Variants in L1TD1 observed in about 807,000 individuals in gnomAD.
L1TD1 encodes LINE1 type transposase domain containing 1.
A neutral mutation model predicts 25.7 loss-of-function variants in L1TD1; 26 were observed. The ratio of observed to expected loss-of-function variants is 1.01; its 90% CI spans 0.74 to 1.40. The LOEUF (loss-of-function observed/expected upper bound fraction) is 1.40, where lower values mean the gene tolerates loss of function less well. L1TD1 is among the 40% of genes most tolerant of loss of function. L1TD1 has a pLI of 0.00. For synonymous variants in L1TD1, 421 were observed against 335.6 expected (o/e 1.25, Z -2.78); for missense variants, 1,130 against 975.0 (o/e 1.16, Z -2.12).
chr1:62,201,343 T>C (rs1395606837), intron 2 of L1TD1, among the ~76,000 whole-genome samples: 3 of 152,120 alleles, frequency 2.0e-5, no homozygotes, highest in Non-Finnish European at 1.5e-5. Flanking sequence ...TTCTGTGTCA[T>C]CTTGGCAAGT....
intron 2 of L1TD1, among the ~76,000 whole-genome samples, chr1:62,204,966 A>G (rs960498090): frequency 6.6e-6 from 1 of 152,018 alleles, no homozygotes; most frequent in Non-Finnish European, 1.5e-5. Context: ...CAGTTTCACC[A>G]TGTTACCCAG....
Position 62,205,443 on chromosome 1 carries a change from A to ATT in L1TD1, c.-110-1068_-110-1067dup, listed in dbSNP as rs1261055805. 5.4e-3 allele frequency among the ~76,000 whole-genome samples: 346 copies of ATT among 63,656 alleles called. 39 individuals carry two copies. The highest frequency in any genetic ancestry group is 0.032 in the Middle Eastern group (3 of 94). 41.8% of individuals were successfully genotyped at this position (63,656 alleles called of 152,430 possible). ...TATATATATATATATATATATATAT[A>ATT]TTTTTTTTTAGACAGTCTTGCTGTG... On this transcript the variant is annotated intron_variant, in intron 2 of 3. Coordinates refer to ENST00000498273, the MANE Select transcript of L1TD1 (RefSeq NM_019079.5).
chr1:62,210,808 G>T lies in L1TD1; in HGVS notation c.2034G>T (p.Met678Ile), dbSNP rs1386881097. 4.5e-6 allele frequency: 7 copies of T among 1,549,820 alleles called. No individual in the cohort carries two copies. The highest frequency in any genetic ancestry group is 2.4e-5 in the South Asian group (2 of 83,494). Residue 678 changes from methionine (M) to isoleucine (I), a missense_variant, in exon 4 of 4, where the codon ATG (methionine) becomes ATT (isoleucine). Coordinates refer to ENST00000498273, the MANE Select transcript of L1TD1 (RefSeq NM_019079.5). ...TTGAAGAATTCTCTAAGGATACAAT[G>T]CAAATGACCAAACAGATAATTAGTA... is the stretch of plus-strand genomic sequence containing the variant. Reference protein sequence around the residue: ...DQIEEFSKDTMQMTKQIISKE... With the variant: ...DQIEEFSKDTIQMTKQIISKE...
Position 62,206,783 on chromosome 1 carries a change from T to C in L1TD1, c.155T>C (p.Met52Thr), listed in dbSNP as rs1053219722. Residue 52 changes from methionine to threonine, a missense_variant, in exon 3 of 4, where the codon ATG (methionine) becomes ACG (threonine). Transcript: ENST00000498273. ...AAATGCAAGGACGTATCAGCAATTA[T>C]GAATAAGTTTAAGGTCTTAATGGAA... is the stretch of plus-strand genomic sequence containing the variant. ...DLKCKDVSAI[M>T]NKFKVLMEIQ... is the part of the protein sequence containing the mutation. 1.3e-6 allele frequency: 2 copies of C among 1,569,806 alleles called. No individual in the cohort carries two copies. Among genetic ancestry groups the C allele is most frequent in the Non-Finnish European group, 8.7e-7 (1 of 1,155,352 alleles).
At chr1:62,197,074 C>T (rs148994979) in intron 2 of L1TD1, among the ~76,000 whole-genome samples, 19 of 152,090 alleles carry the variant, frequency 1.2e-4, no homozygotes, top group African/African-American at 2.7e-4. Context: ...GCAGGTTTTG[C>T]ATTCTCACTA....
rs534598539 is a variant in L1TD1, at chr1:62,207,142, G to A, written c.514G>A (p.Gly172Arg). ...QGESRSYEVM[G>R]SMEETLCNID... ...TGAATCACGAAGTTACGAAGTCATG[G>A]GAAGTATGGAAGAAACCTTATGCAA... The change falls in exon 3 of 4, where the codon GGA (glycine) becomes AGA (arginine). Residue 172 changes from glycine to arginine, a missense_variant. Gly to Arg is a moderately radical substitution (Grantham distance 125). Transcript: ENST00000498273. 1.5e-4 allele frequency: 241 copies of A among 1,571,104 alleles called. No homozygotes were observed. The highest frequency in any genetic ancestry group is 1.9e-4 in the Non-Finnish European group (225 of 1,156,510).
intron 2 of L1TD1, among the ~76,000 whole-genome samples, chr1:62,199,513 AT>A (rs1308248383): frequency 6.6e-6 from 1 of 151,296 alleles, no homozygotes; most frequent in Non-Finnish European, 1.5e-5. Context: ...AAAAAAAAAA[AT>A]CAGCATTTGA....
In L1TD1 at chr1:62,207,302, A is replaced by G; in HGVS notation, c.674A>G (p.Glu225Gly). 3 of 1,550,628 alleles carry G rather than the reference A, an allele frequency of 1.9e-6. No individual in the cohort carries two copies. Among genetic ancestry groups the G allele is most frequent in the Non-Finnish European group, 1.7e-6 (2 of 1,146,730 alleles). ...TTTCAGAAATTGAAGAATAAAGAGG[A>G]GGTTTTAAAAGCCTCCAGAGAAGAA... ...RKFQKLKNKE[E>G]VLKASREEKV... Residue 225 changes from glutamate (E) to glycine (G), a missense_variant, in exon 3 of 4, where the codon GAG (glutamate) becomes GGG (glycine). Glu to Gly is a moderately conservative substitution (Grantham distance 98). Coordinates refer to ENST00000498273, the MANE Select transcript of L1TD1 (RefSeq NM_019079.5).
Position 62,210,732 on chromosome 1 carries a change from G to C in L1TD1, c.1958G>C (p.Ser653Thr). ...LEIENSVDDL[S>T]SRMDILEERI... is the part of the protein sequence containing the mutation. ...ATTGAAAATTCAGTAGATGATCTGAGTAGCAGAATGGACATACTTGAAGAA... is the reference window on the plus strand; with the variant it reads ...ATTGAAAATTCAGTAGATGATCTGACTAGCAGAATGGACATACTTGAAGAA... The change falls in exon 4 of 4, where the codon AGT becomes ACT. Residue 653 changes from serine to threonine, a missense_variant. By Grantham distance (58) the Ser-to-Thr change is moderately conservative. Coordinates refer to ENST00000498273, the MANE Select transcript of L1TD1 (RefSeq NM_019079.5). The C allele has an allele frequency of 1.3e-6, 2 of 1,551,652 alleles. No individual in the cohort carries two copies. Among genetic ancestry groups the C allele is most frequent in the Non-Finnish European group, 1.7e-6 (2 of 1,146,988 alleles).
chr1:62,202,791 C>T (rs1031493758), intron 2 of L1TD1, among the ~76,000 whole-genome samples: 2 of 149,246 alleles, frequency 1.3e-5, no homozygotes, highest in African/African-American at 4.9e-5. Flanking sequence ...TCAACTGATT[C>T]TCCTGCCTCA....
chr1:62,210,451 A>T lies in L1TD1; in HGVS notation c.1677A>T (p.Ser559=), dbSNP rs764578131. 6.2e-7 allele frequency: 1 copy of T among 1,614,188 alleles called. No homozygotes were observed. Among genetic ancestry groups the T allele is most frequent in the Non-Finnish European group, 8.5e-7 (1 of 1,180,034 alleles). The change falls in exon 4 of 4, where the codon TCA becomes TCT. Residue 559 remains serine, a synonymous_variant. Coordinates refer to ENST00000498273, the MANE Select transcript of L1TD1 (RefSeq NM_019079.5). ...TGACCTTATGTTTGGCCTCTCCCTCAAAGTCACTAGAGATGAGTCATGATG... is the reference window on the plus strand; with the variant it reads ...TGACCTTATGTTTGGCCTCTCCCTCTAAGTCACTAGAGATGAGTCATGATG... ...PCLTLCLASP[S]KSLEMSHDEH... is the part of the protein sequence containing the mutation.
At chr1:62,202,561 T>TA (rs1491558450) in intron 2 of L1TD1, among the ~76,000 whole-genome samples, 5 of 145,154 alleles carry the variant, frequency 3.4e-5, no homozygotes, top group Admixed American at 6.8e-5. Flanking sequence ...TTTTTTTTTT[T>TA]AGCTGTTCAT....
chr1:62,197,718 A>T (rs889138372), intron 2 of L1TD1, among the ~76,000 whole-genome samples: 1 of 151,558 alleles, frequency 6.6e-6, no homozygotes. Flanking sequence ...ATCCCTAAAA[A>T]TACAAAAATT....
rs142322163 is a variant in L1TD1, at chr1:62,211,676, T to G, written c.*304T>G. 31 of 227,598 alleles carry G rather than the reference T, an allele frequency of 1.4e-4. No homozygotes were observed. The East Asian group carries it at 3.2e-3, about 24-fold the overall frequency. The allele number at this position is 227,598 out of a possible 1,614,324, so 14.1% of individuals were successfully genotyped here. Reference sequence around the variant, plus strand: ...AGTTGACTAGTCTTTTTAGAATTTATATTATCTGGCTGGGCACGGTGGCTC... The same window carrying G: ...AGTTGACTAGTCTTTTTAGAATTTAGATTATCTGGCTGGGCACGGTGGCTC... On this transcript the variant is annotated 3_prime_UTR_variant, in exon 4 of 4. Coordinates refer to ENST00000498273, the MANE Select transcript of L1TD1 (RefSeq NM_019079.5).
chr1:62,208,524 G>C (rs537402031), intron 3 of L1TD1: 1 of 143,504 alleles, frequency 7.0e-6, no homozygotes, highest in South Asian at 2.2e-4. Context: ...CTATTGCCCT[G>C]GTGGGGGTGC....
chr1:62,202,908 C>T (rs1036728579), intron 2 of L1TD1, among the ~76,000 whole-genome samples: 1 of 152,000 alleles, frequency 6.6e-6, no homozygotes, highest in Non-Finnish European at 1.5e-5. Flanking sequence ...GTCACGAACT[C>T]CTGACCTCAG....
At position 62,206,951 on chromosome 1, in the gene L1TD1, T is replaced by A. The variant is rs755727292; in HGVS notation, c.323T>A (p.Leu108Ter). The part of the protein sequence containing the change: ...SRTEFQQIIN[L>*]ALQKTGMVGK... ...ACAGAGTTTCAGCAAATAATCAATT[T>A]AGCATTACAAAAAACAGGGATGGTA... is the stretch of plus-strand genomic sequence containing the variant. Residue 108 changes from leucine (L) to a stop codon, truncating the protein, a stop_gained, in exon 3 of 4, where the codon TTA (leucine) becomes TAA (stop). Transcript: ENST00000498273. LOFTEE classifies it high-confidence loss of function. 1 of 1,613,584 alleles carries A rather than the reference T, an allele frequency of 6.2e-7. No individual in the cohort carries two copies. Among genetic ancestry groups the A allele is most frequent in the Non-Finnish European group, 8.5e-7 (1 of 1,179,894 alleles).
At position 62,211,392 on chromosome 1, in the gene L1TD1, A is replaced by T. The variant is rs534652083; in HGVS notation, c.*20A>T. On this transcript the variant is annotated 3_prime_UTR_variant, in exon 4 of 4. Coordinates refer to ENST00000498273, the MANE Select transcript of L1TD1 (RefSeq NM_019079.5). ...CCTTAGCACGCCAGGGTGACTACAA[A>T]CAATATGCTTTCCTCCCCCAGCATG... 4.3e-5 allele frequency: 66 copies of T among 1,546,320 alleles called. 1 individual carries two copies. In the South Asian group the frequency reaches 7.8e-4, roughly 18 times the overall value.
Position 62,210,673 on chromosome 1 carries a change from A to G in L1TD1, c.1899A>G (p.Gly633=), listed in dbSNP as rs1670849169. ...NSIREIKEEI[G]NLKSSHSGVL... ...TCAGAGAGATAAAAGAGGAGATTGG[A>G]AATTTGAAAAGTTCCCATTCAGGTG... The change falls in exon 4 of 4, where the codon GGA becomes GGG. Residue 633 remains glycine, a synonymous_variant. Coordinates refer to ENST00000498273, the MANE Select transcript of L1TD1 (RefSeq NM_019079.5). 4 of 1,555,540 alleles carry G rather than the reference A, an allele frequency of 2.6e-6. No individual in the cohort carries two copies. Among genetic ancestry groups the G allele is most frequent in the Non-Finnish European group, 3.5e-6 (4 of 1,148,928 alleles).
Sources: gnomAD v4.1 joint callset for allele counts (sites outside exome capture counted in the v4.1 genomes callset) on GRCh38, gnomAD v4.1.1 for gene constraint, MANE v1.5 for transcripts, NCBI Gene and HGNC (gene_info 2026-07-23, HGNC 2026-07-21) for gene names.